The following DSTYK variants were observed in gnomAD, a reference collection of about 807,000 sequenced individuals.
DSTYK encodes dual serine/threonine and tyrosine protein kinase.
A neutral mutation model predicts 98.7 loss-of-function variants in DSTYK; 34 were observed. The observed-to-expected ratio is 0.34, with a 90% confidence interval of 0.26 to 0.46. DSTYK has a LOEUF of 0.46. Among genes scored for constraint, DSTYK ranks in the 20% least tolerant of loss-of-function variants. The pLI, the probability that DSTYK is intolerant of heterozygous loss-of-function variation, is 1.00. For missense variants in DSTYK, 962 were observed against 1,181.7 expected, an observed-to-expected ratio of 0.81 and a Z score of 2.73; for synonymous variants, 462 against 457.3, an observed-to-expected ratio of 1.01 and a Z score of -0.13.
chr1:205,143,750 T>C lies in DSTYK; in HGVS notation c.*3808A>G, dbSNP rs1657139752. On this transcript the variant is annotated 3_prime_UTR_variant, in exon 13 of 13. Transcript: ENST00000367162. ...GAGGAAGAACACTTTGTGACCCTTC[T>C]TTGGCAGCTCAAGCAAAGACACAAG... 4 of 152,604 alleles carry C rather than the reference T, an allele frequency of 2.6e-5. No homozygotes were observed. The South Asian group carries it at 8.3e-4, about 32-fold the overall frequency. The allele number at this position is 152,604 out of a possible 1,614,324, so 9.5% of individuals were successfully genotyped here.
intron 1 of DSTYK, among the ~76,000 whole-genome samples, chr1:205,194,255 T>TA (rs1455822136): frequency 6.6e-6 from 1 of 152,246 alleles, no homozygotes; most frequent in Non-Finnish European, 1.5e-5. Flanking sequence ...GTGTTGGCCA[T>TA]GACCCTCAAG....
rs1345973175 is a variant in DSTYK, at chr1:205,147,835, G to A, written c.2603-90C>T. ...CCAGCTCAAAGGCTGACTTCCCAGT[G>A]GGGCTCAGAATACTAAGAATGCAAG... On this transcript the variant is annotated intron_variant, in intron 12 of 12. Coordinates refer to ENST00000367162, the MANE Select transcript of DSTYK (RefSeq NM_015375.3). The A allele has an allele frequency of 5.9e-6, 8 of 1,358,786 alleles. No homozygotes were observed. The African/African-American group carries it at 8.7e-5, about 15-fold the overall frequency. The allele number at this position is 1,358,786 out of a possible 1,614,324, so 84.2% of individuals were successfully genotyped here.
Position 205,194,767 on chromosome 1 carries a change from G to A in DSTYK, c.266-6961C>T, listed in dbSNP as rs116618329. Among the ~76,000 whole-genome samples the A allele has an allele frequency of 3.6e-3, 542 of 151,938 alleles. 5 individuals carry two copies. The highest frequency in any genetic ancestry group is 0.013 in the African/African-American group (530 of 41,472). The stretch of plus-strand genomic sequence containing the variant: ...CTGGAGTGCAGTAGCATGATCTTGG[G>A]TCATAGCAACCTCCACCTCCCTGGT... On this transcript the variant is annotated intron_variant, in intron 1 of 12. Transcript: ENST00000367162.
intron 10 of DSTYK, among the ~76,000 whole-genome samples, chr1:205,153,638 T>C (rs566071213): frequency 6.6e-6 from 1 of 152,308 alleles, no homozygotes; most frequent in East Asian, 1.9e-4. Flanking sequence ...ACACTTTGAT[T>C]ATGTAGAACA....
At chr1:205,197,979 A>C (rs987876457) in intron 1 of DSTYK, among the ~76,000 whole-genome samples, 2 of 152,160 alleles carry the variant, frequency 1.3e-5, no homozygotes, top group Admixed American at 1.3e-4. Flanking sequence ...GGATCACCTG[A>C]GGTCGGGAGT....
Position 205,147,805 on chromosome 1 carries a change from C to T in DSTYK, c.2603-60G>A. ...AGAGGGACCCAGCACAACAAAGAGG[C>T]ATGACCAGCTCAAAGGCTGACTTCC... is the stretch of plus-strand genomic sequence containing the variant. On this transcript the variant is annotated intron_variant, in intron 12 of 12. Transcript: ENST00000367162. 17 of 1,559,860 alleles carry T rather than the reference C, an allele frequency of 1.1e-5. 1 individual carries two copies. The South Asian group carries it at 1.7e-4, about 16-fold the overall frequency.
intron 9 of DSTYK, 43 bp from the exon 10 acceptor site, chr1:205,157,429 C>T (rs749028852): frequency 1.3e-6 from 2 of 1,519,276 alleles, no homozygotes; most frequent in Non-Finnish European, 1.8e-6. Context: ...TAAGGCAACT[C>T]CTCAATTCAA....
At chr1:205,166,752 G>C (rs1657902019) in intron 3 of DSTYK, among the ~76,000 whole-genome samples, 1 of 152,132 alleles carries the variant, frequency 6.6e-6, no homozygotes, top group Non-Finnish European at 1.5e-5. Context: ...AACCAAAGAG[G>C]TATCTCTGTT....
Position 205,147,319 on chromosome 1 carries a change from C to T in DSTYK, c.*239G>A, listed in dbSNP as rs1657266090. ...ACCACATTCCTCAGCTTTTACACAT[C>T]TGAGACACTTTTTTGCTAAAGGGAT... is the stretch of plus-strand genomic sequence containing the variant. On this transcript the variant is annotated 3_prime_UTR_variant, in exon 13 of 13. Transcript: ENST00000367162. 2.5e-6 allele frequency: 1 copy of T among 395,956 alleles called. No homozygotes were observed. The highest frequency in any genetic ancestry group is 2.0e-5 in the African/African-American group (1 of 51,128). 24.5% of individuals were successfully genotyped at this position (395,956 alleles called of 1,614,324 possible).
intron 2 of DSTYK, among the ~76,000 whole-genome samples, chr1:205,184,629 A>T (rs1036933102): frequency 3.3e-5 from 5 of 152,036 alleles, no homozygotes; most frequent in African/African-American, 1.2e-4. Flanking sequence ...TCTTTAAAAA[A>T]TTTTTTTTGA....
chr1:205,191,714 A>AG (rs1312393623), intron 1 of DSTYK, among the ~76,000 whole-genome samples: 1 of 152,226 alleles, frequency 6.6e-6, no homozygotes, highest in Non-Finnish European at 1.5e-5. Context: ...AGGGGCTCTG[A>AG]GGACCTACAG....
In DSTYK at chr1:205,162,027, C is replaced by G. The variant is rs1212797335; in HGVS notation, c.1818+9G>C. 3.1e-6 allele frequency: 5 copies of G among 1,611,100 alleles called. No homozygotes were observed. In the Admixed American group the frequency reaches 8.4e-5, roughly 27 times the overall value. On this transcript the variant is annotated intron_variant, in intron 6 of 12. Transcript: ENST00000367162. Reference sequence around the variant, plus strand: ...TGATCCAGCTGTATCTCCTTTCCTACATACCAACCTGCCGCAAGGAGGCTG... The same window carrying G: ...TGATCCAGCTGTATCTCCTTTCCTAGATACCAACCTGCCGCAAGGAGGCTG...
At chr1:205,166,442 C>T (rs1558607418) in intron 3 of DSTYK, among the ~76,000 whole-genome samples, 2 of 150,190 alleles carry the variant, frequency 1.3e-5, no homozygotes, top group African/African-American at 4.9e-5. Flanking sequence ...CGCTACAAGC[C>T]TGGGCAACAC....
At chr1:205,185,012 C>T (rs972511332) in intron 2 of DSTYK, among the ~76,000 whole-genome samples, 8 of 152,064 alleles carry the variant, frequency 5.3e-5, no homozygotes, top group African/African-American at 1.7e-4. Context: ...ACCAGCCTGG[C>T]CAACATGGCG....
At chr1:205,183,513 T>C (rs925424919) in intron 2 of DSTYK, among the ~76,000 whole-genome samples, 3 of 152,198 alleles carry the variant, frequency 2.0e-5, no homozygotes, top group Non-Finnish European at 2.9e-5. Flanking sequence ...GAATGACCAT[T>C]GTATAAGAGG....
intron 1 of DSTYK, chr1:205,202,064 CGGGAAGGGGAGAG>C: frequency 3.1e-6 from 1 of 327,390 alleles, no homozygotes; most frequent in South Asian, 2.1e-5. Flanking sequence ...GTGGGAAACT[CGGGAAGGGGAGAG>C]GGGAAAGGGA....
At chr1:205,182,582 G>A (rs1188206609) in intron 2 of DSTYK, among the ~76,000 whole-genome samples, 1 of 150,928 alleles carries the variant, frequency 6.6e-6, no homozygotes, top group Non-Finnish European at 1.5e-5. Context: ...GAGGTGGGCG[G>A]ATAACCTGAG....
intron 3 of DSTYK, among the ~76,000 whole-genome samples, chr1:205,165,816 T>G (rs965686661): frequency 2.6e-5 from 4 of 152,170 alleles, no homozygotes; most frequent in Admixed American, 6.6e-5. Context: ...CTGGCCAACA[T>G]GGTGAAACCC....
chr1:205,167,790 T>C (rs1574764501), intron 3 of DSTYK, among the ~76,000 whole-genome samples: 2 of 152,284 alleles, frequency 1.3e-5, no homozygotes, highest in African/African-American at 2.4e-5. Flanking sequence ...TAAGACAGAA[T>C]AGAAAAGCAT....
Sources: gnomAD v4.1 joint callset for allele counts (sites outside exome capture counted in the v4.1 genomes callset) on GRCh38, gnomAD v4.1.1 for gene constraint, MANE v1.5 for transcripts, NCBI Gene and HGNC (gene_info 2026-07-23, HGNC 2026-07-21) for gene names.